Variants in MED12L observed in about 807,000 individuals in gnomAD.
MED12L encodes mediator complex subunit 12L, also known as mediator of RNA polymerase II transcription subunit 12-like protein.
A neutral mutation model predicts 281.3 loss-of-function variants in MED12L; 60 were observed. That is an observed-to-expected ratio of 0.21 (90% CI 0.17 to 0.26). The LOEUF (loss-of-function observed/expected upper bound fraction) is 0.26. Among genes scored for constraint, MED12L ranks in the 10% least tolerant of loss-of-function variants. MED12L has a pLI of 1.00. For synonymous variants in MED12L, 974 were observed against 987.2 expected, an observed-to-expected ratio of 0.99 and a Z score of 0.25; for missense variants, 2,146 against 2,680.9, an observed-to-expected ratio of 0.80 and a Z score of 4.41.
intron 14 of MED12L, among the ~76,000 whole-genome samples, chr3:151,191,509 T>C (rs889532495): frequency 5.3e-5 from 8 of 152,352 alleles, no homozygotes; most frequent in Admixed American, 5.2e-4. Flanking sequence ...TCTGGTATTT[T>C]GGATATTGTT....
chr3:151,101,157 G>A (rs935359601), intron 2 of MED12L, among the ~76,000 whole-genome samples: 3 of 152,028 alleles, frequency 2.0e-5, no homozygotes, highest in East Asian at 1.9e-4. Flanking sequence ...AGTTAATGTC[G>A]GTTTACCTAC....
chr3:151,202,268 A>G (rs2149159588), intron 16 of MED12L, among the ~76,000 whole-genome samples: 1 of 152,382 alleles, frequency 6.6e-6, no homozygotes, highest in South Asian at 2.1e-4. Flanking sequence ...ATATTTTACC[A>G]GACAGTTACT....
chr3:151,115,638 C>T (rs539594270), intron 2 of MED12L, among the ~76,000 whole-genome samples: 37 of 151,580 alleles, frequency 2.4e-4, no homozygotes, highest in African/African-American at 4.1e-4. Flanking sequence ...TGAGCCACCG[C>T]GCCCGGCCTG....
At chr3:151,242,760 GA>G (rs1222757991) in intron 16 of MED12L, among the ~76,000 whole-genome samples, 1 of 152,202 alleles carries the variant, frequency 6.6e-6, no homozygotes. Context: ...AACAAAGCTG[GA>G]TGGAGAATGA....
At chr3:151,363,219 A>G (rs1381001880) in intron 21 of MED12L, among the ~76,000 whole-genome samples, 2 of 152,196 alleles carry the variant, frequency 1.3e-5, no homozygotes, top group Non-Finnish European at 2.9e-5. Context: ...TGAAAAAATG[A>G]AAGAGAAATA....
intron 39 of MED12L, among the ~76,000 whole-genome samples, chr3:151,406,378 A>G (rs1231950824): frequency 6.6e-6 from 1 of 152,262 alleles, no homozygotes; most frequent in African/African-American, 2.4e-5. Context: ...ATTCTTGGAA[A>G]AACAAAGAAA....
chr3:151,392,721 G>A (rs930863093), intron 38 of MED12L, among the ~76,000 whole-genome samples: 9 of 152,062 alleles, frequency 5.9e-5, no homozygotes, highest in Non-Finnish European at 1.2e-4. Flanking sequence ...TTATAAAGTT[G>A]TAAGGAAATG....
intron 11 of MED12L, among the ~76,000 whole-genome samples, chr3:151,181,470 C>T (rs930654763): frequency 2.7e-5 from 4 of 150,502 alleles, no homozygotes; most frequent in African/African-American, 7.3e-5. Flanking sequence ...AGGCTAGCCT[C>T]GAACTTCTGG....
chr3:151,328,561 G>T, intron 16 of MED12L: 1 of 1,613,722 alleles, frequency 6.2e-7, no homozygotes, highest in East Asian at 2.2e-5. Flanking sequence ...ACCAGATGAA[G>T]ATTGAGACCG....
At chr3:151,312,530 A>G (rs1407275560) in intron 16 of MED12L, among the ~76,000 whole-genome samples, 2 of 152,098 alleles carry the variant, frequency 1.3e-5, no homozygotes, top group Admixed American at 6.5e-5. Context: ...TTGGAAAACA[A>G]AGTTTCACTT....
At chr3:151,328,353 C>CT (rs771457469) in intron 16 of MED12L, 12 of 1,612,704 alleles carry the variant, frequency 7.4e-6, no homozygotes, top group East Asian at 2.2e-5. Context: ...GAATCATATA[C>CT]TTTTTTTGCA....
intron 16 of MED12L, among the ~76,000 whole-genome samples, chr3:151,279,437 T>A (rs972502753): frequency 6.6e-5 from 10 of 152,222 alleles, no homozygotes; most frequent in Middle Eastern, 3.2e-3. Flanking sequence ...AACAGTTATT[T>A]CCCTCATGAA....
In MED12L at chr3:151,342,774, A is replaced by G. The variant is rs550050020; in HGVS notation, c.2251-7285A>G. Among the ~76,000 whole-genome samples, 5 of 152,348 alleles carry G rather than the reference A, an allele frequency of 3.3e-5. No individual in the cohort carries two copies. In the South Asian group the frequency reaches 1.0e-3, roughly 32 times the overall value. ...AATATGACTATTGTAAACAAATCTT[A>G]GCCTTCCTTATTTGTTGGAGTCTCA... On this transcript the variant is annotated intron_variant, in intron 16 of 44. Transcript: ENST00000687756.
At position 151,386,749 on chromosome 3, in the gene MED12L, T is replaced by C. The variant is rs141679060; in HGVS notation, c.5089-1061T>C. On this transcript the variant is annotated intron_variant, in intron 36 of 44. Coordinates refer to ENST00000687756, the MANE Select transcript of MED12L (RefSeq NM_001393769.1). ...TGCCATCATGCCTGGCTAATTTTTGTATTTTTAGTGGAGACGGAGTTTCAC... is the reference window on the plus strand; with the variant it reads ...TGCCATCATGCCTGGCTAATTTTTGCATTTTTAGTGGAGACGGAGTTTCAC... Among the ~76,000 whole-genome samples the C allele has an allele frequency of 1.5e-3, 234 of 152,262 alleles. 11 individuals carry two copies. The East Asian group carries it at 0.037, about 24-fold the overall frequency.
At chr3:151,258,111 G>C (rs868745039) in intron 16 of MED12L, among the ~76,000 whole-genome samples, 7 of 152,160 alleles carry the variant, frequency 4.6e-5, no homozygotes, top group African/African-American at 1.7e-4. Context: ...TTGCTCCAAG[G>C]CATTTACAGG....
intron 16 of MED12L, chr3:151,293,974 T>G: frequency 3.0e-6 from 1 of 331,342 alleles, no homozygotes; most frequent in South Asian, 5.5e-5. Flanking sequence ...CCATTAACCC[T>G]GCCATTCACC....
intron 16 of MED12L, chr3:151,328,380 C>T: frequency 6.2e-7 from 1 of 1,613,428 alleles, no homozygotes; most frequent in Non-Finnish European, 8.5e-7. Flanking sequence ...ACATAAAACA[C>T]AAGCATTAGG....
chr3:151,431,708 T>G (rs1234024804), intron 44 of MED12L, among the ~76,000 whole-genome samples: 1 of 152,192 alleles, frequency 6.6e-6, no homozygotes, highest in Admixed American at 6.5e-5. Context: ...TAAAGTGGCA[T>G]CTGTTTGGGG....
At chr3:151,137,679 A>G (rs1716350216) in intron 5 of MED12L, among the ~76,000 whole-genome samples, 1 of 152,136 alleles carries the variant, frequency 6.6e-6, no homozygotes, top group Admixed American at 6.5e-5. Flanking sequence ...TTTTATGTTT[A>G]TTTCATTTCT....
Sources: gnomAD v4.1 joint callset for allele counts (sites outside exome capture counted in the v4.1 genomes callset) on GRCh38, gnomAD v4.1.1 for gene constraint, MANE v1.5 for transcripts, NCBI Gene and HGNC (gene_info 2026-07-23, HGNC 2026-07-21) for gene names.